The following ETNK1 variants were observed in gnomAD, a reference collection of about 807,000 sequenced individuals.
ETNK1 encodes the protein ethanolamine kinase 1, also known as putative protein product of Nbla10396.
Under a neutral mutation model 45.1 loss-of-function variants are expected in ETNK1, and 8 were observed. The observed-to-expected ratio is 0.18, with a 90% CI of 0.10 to 0.32. The LOEUF (loss-of-function observed/expected upper bound fraction) is 0.32, where lower values mean the gene tolerates loss of function less well. Among genes scored for constraint, ETNK1 ranks in the 10% least tolerant of loss-of-function variants. The pLI is 1.00. For missense variants in ETNK1, 302 were observed against 430.6 expected (o/e 0.70, Z 2.64); for synonymous variants, 152 against 151.9 (o/e 1.00, Z -0.01).
At chr12:22,655,326 TTG>T (rs1392451047) in intron 2 of ETNK1, among the ~76,000 whole-genome samples, 18 of 57,086 alleles carry the variant, frequency 3.2e-4, no homozygotes, top group Admixed American at 9.5e-4. Flanking sequence ...TGGGGTTTGT[TTG>T]TTTTTTTTTT....
At chr12:22,634,022 T>G (rs1208593025) in intron 1 of ETNK1, among the ~76,000 whole-genome samples, 1 of 152,142 alleles carries the variant, frequency 6.6e-6, no homozygotes, top group Non-Finnish European at 1.5e-5. Flanking sequence ...TCATTTTTAT[T>G]TCCCAGTCTT....
Position 22,690,647 on chromosome 12 carries a change from A to T in ETNK1, c.*5693A>T, listed in dbSNP as rs1954296730. ...TAAATAAAAATTCGTTGTAACAATA[A>T]AGTTGAGTTCTAACTACAGTGTATT... On this transcript the variant is annotated 3_prime_UTR_variant, in exon 8 of 8. Transcript: ENST00000266517. 6.6e-6 allele frequency: 1 copy of T among 152,542 alleles called. No individual in the cohort carries two copies. Among genetic ancestry groups the T allele is most frequent in the Non-Finnish European group, 1.5e-5 (1 of 67,954 alleles). 9.4% of individuals were successfully genotyped at this position (152,542 alleles called of 1,614,324 possible).
chr12:22,641,792 T>G (rs1243890874), intron 1 of ETNK1, among the ~76,000 whole-genome samples: 1 of 152,194 alleles, frequency 6.6e-6, no homozygotes, highest in Non-Finnish European at 1.5e-5. Context: ...ATTATTCACA[T>G]ATCTTTTTAT....
At chr12:22,681,400 C>G (rs900931324) in intron 6 of ETNK1, among the ~76,000 whole-genome samples, 1 of 151,954 alleles carries the variant, frequency 6.6e-6, no homozygotes, top group African/African-American at 2.4e-5. Flanking sequence ...ATTTCTCAGT[C>G]TTTTCCACTA....
intron 5 of ETNK1, among the ~76,000 whole-genome samples, chr12:22,673,057 C>G (rs776225592): frequency 1.3e-5 from 2 of 152,124 alleles, no homozygotes; most frequent in Non-Finnish European, 2.9e-5. Flanking sequence ...AATCATGCCA[C>G]TGCACTCCAG....
At chr12:22,649,788 A>G (rs1953851846) in intron 2 of ETNK1, among the ~76,000 whole-genome samples, 1 of 152,096 alleles carries the variant, frequency 6.6e-6, no homozygotes, top group Non-Finnish European at 1.5e-5. Context: ...AATTGTGTAT[A>G]TTTGGGATAC....
intron 1 of ETNK1, among the ~76,000 whole-genome samples, chr12:22,632,592 C>A (rs528652249): frequency 1.3e-5 from 2 of 152,032 alleles, no homozygotes; most frequent in South Asian, 4.2e-4. Context: ...TCACTGCAGC[C>A]TTGTACTCCT....
chr12:22,690,611 T>C lies in ETNK1; in HGVS notation c.*5657T>C, dbSNP rs1954296131. ...GAAGGAATGTATCTTTTTGAAGAGATTTATATTCTGTAAATAAAAATTCGT... is the reference window on the plus strand; with the variant it reads ...GAAGGAATGTATCTTTTTGAAGAGACTTATATTCTGTAAATAAAAATTCGT... On this transcript the variant is annotated 3_prime_UTR_variant, in exon 8 of 8. Transcript: ENST00000266517. 1 of 152,562 alleles carries C rather than the reference T, an allele frequency of 6.6e-6. No individual in the cohort carries two copies. The highest frequency in any genetic ancestry group is 6.5e-5 in the Admixed American group (1 of 15,274). The allele number at this position is 152,562 out of a possible 1,614,324, so 9.5% of individuals were successfully genotyped here.
chr12:22,652,996 T>G (rs1173983448), intron 2 of ETNK1, among the ~76,000 whole-genome samples: 5 of 152,218 alleles, frequency 3.3e-5, no homozygotes, highest in Admixed American at 3.3e-4. Flanking sequence ...TTGGTCCATC[T>G]TGAGTTAGTT....
chr12:22,631,692 A>G (rs781691862), intron 1 of ETNK1, among the ~76,000 whole-genome samples: 6 of 152,202 alleles, frequency 3.9e-5, no homozygotes, highest in Non-Finnish European at 7.3e-5. Context: ...ATTTCAGAAA[A>G]TAAATGTGCA....
At chr12:22,648,688 C>T (rs919045710) in intron 2 of ETNK1, among the ~76,000 whole-genome samples, 48 of 152,184 alleles carry the variant, frequency 3.2e-4, no homozygotes, top group African/African-American at 1.1e-3. Flanking sequence ...AATCCCTGTG[C>T]AAATTTTAAT....
chr12:22,640,302 C>T (rs950882765), intron 1 of ETNK1, among the ~76,000 whole-genome samples: 1 of 151,408 alleles, frequency 6.6e-6, no homozygotes. Context: ...TAAAGTTTAA[C>T]AGGATATAAT....
At chr12:22,665,781 A>C (rs1049149643) in intron 4 of ETNK1, among the ~76,000 whole-genome samples, 7 of 152,130 alleles carry the variant, frequency 4.6e-5, no homozygotes, top group Non-Finnish European at 8.8e-5. Flanking sequence ...GATTCTGAAA[A>C]AATGAAAAAT....
Position 22,688,839 on chromosome 12 carries a change from T to C in ETNK1, c.*3885T>C, listed in dbSNP as rs1231858512. The C allele has an allele frequency of 6.6e-6, 1 of 151,958 alleles. No homozygotes were observed. The highest frequency in any genetic ancestry group is 1.5e-5 in the Non-Finnish European group (1 of 67,804). 9.4% of individuals were successfully genotyped at this position (151,958 alleles called of 1,614,324 possible). A position where few individuals can be genotyped will look rare whatever the true frequency, so the allele number is the denominator to read the frequency against. On this transcript the variant is annotated 3_prime_UTR_variant, in exon 8 of 8. Transcript: ENST00000266517. ...CCAGAATGTCCTTTTACTGGGAATT[T>C]AGTTATGTATTAAGATAACCTGTTT...
At chr12:22,629,180 T>C (rs1953543128) in intron 1 of ETNK1, among the ~76,000 whole-genome samples, 1 of 152,074 alleles carries the variant, frequency 6.6e-6, no homozygotes, top group Non-Finnish European at 1.5e-5. Flanking sequence ...AAAACAAATA[T>C]TTGCTCTTTG....
intron 1 of ETNK1, among the ~76,000 whole-genome samples, chr12:22,635,065 G>A (rs1217545558): frequency 6.6e-6 from 1 of 152,090 alleles, no homozygotes; most frequent in Non-Finnish European, 1.5e-5. Context: ...TGGAAAAGGC[G>A]GTCTCATGCA....
intron 1 of ETNK1, among the ~76,000 whole-genome samples, chr12:22,641,196 G>T (rs557394461): frequency 2.2e-4 from 34 of 152,182 alleles, no homozygotes; most frequent in Non-Finnish European, 3.8e-4. Context: ...AGAATGGTGG[G>T]GATTTGTCTG....
At chr12:22,640,787 A>T (rs1358572790) in intron 1 of ETNK1, among the ~76,000 whole-genome samples, 1 of 152,156 alleles carries the variant, frequency 6.6e-6, no homozygotes, top group Non-Finnish European at 1.5e-5. Flanking sequence ...CAGAGCTGGG[A>T]TTCAAACTCA....
chr12:22,627,182 A>G (rs1409231524), intron 1 of ETNK1, among the ~76,000 whole-genome samples: 2 of 152,102 alleles, frequency 1.3e-5, no homozygotes, highest in South Asian at 2.1e-4. Context: ...CCGAACAACC[A>G]TATTAGGTAG....
Sources: gnomAD v4.1 joint callset for allele counts (sites outside exome capture counted in the v4.1 genomes callset) on GRCh38, gnomAD v4.1.1 for gene constraint, MANE v1.5 for transcripts, NCBI Gene and HGNC (gene_info 2026-07-23, HGNC 2026-07-21) for gene names.